The following TSHR variants were observed in gnomAD, a reference collection of about 807,000 sequenced individuals.
TSHR encodes the protein thyroid stimulating hormone receptor, also known as thyrotropin receptor.
Under a neutral mutation model 64.1 loss-of-function variants are expected in TSHR, and 51 were observed. The ratio of observed to expected loss-of-function variants is 0.80; its 90% confidence interval spans 0.64 to 1.01. The LOEUF is 1.01. Among genes scored for constraint, TSHR ranks in the 50% least tolerant of loss-of-function variants. The pLI is 0.00. For missense variants in TSHR, 877 were observed against 942.8 expected (o/e 0.93, Z 0.91); for synonymous variants, 361 against 361.9 (o/e 1.00, Z 0.03).
At chr14:80,963,000 T>C (rs905383269) in intron 1 of TSHR, among the ~76,000 whole-genome samples, 2 of 152,206 alleles carry the variant, frequency 1.3e-5, no homozygotes, top group African/African-American at 4.8e-5. Context: ...GTGAGCACTA[T>C]ACAAGTAAAC....
At chr14:81,061,782 A>C (rs1009015352) in intron 1 of TSHR, among the ~76,000 whole-genome samples, 1 of 152,092 alleles carries the variant, frequency 6.6e-6, no homozygotes, top group African/African-American at 2.4e-5. Context: ...GTACCCCCAA[A>C]CCTAAATTAA....
chr14:80,961,349 A>G (rs1476800259), intron 1 of TSHR, among the ~76,000 whole-genome samples: 1 of 152,242 alleles, frequency 6.6e-6, no homozygotes, highest in Non-Finnish European at 1.5e-5. Flanking sequence ...TTATAATTGT[A>G]TAAGTGTGCT....
intron 8 of TSHR, among the ~76,000 whole-genome samples, chr14:81,125,929 AAGAG>A (rs753859897): frequency 2.0e-5 from 3 of 151,784 alleles, no homozygotes; most frequent in Admixed American, 6.6e-5. Flanking sequence ...AAAGAATTTG[AAGAG>A]AGAGAGAGTA....
intron 3 of TSHR, chr14:81,087,540 T>C (rs1453654634): frequency 3.8e-6 from 1 of 266,012 alleles, no homozygotes; most frequent in South Asian, 4.2e-5. Context: ...CATCATAAAA[T>C]TCCCTCATCC....
intron 1 of TSHR, among the ~76,000 whole-genome samples, chr14:81,059,610 C>A (rs1442048529): frequency 6.6e-6 from 1 of 152,068 alleles, no homozygotes; most frequent in African/African-American, 2.4e-5. Flanking sequence ...AAAAAGGAGA[C>A]ATTATTTTTA....
Position 81,039,812 on chromosome 14 carries a change from T to C in TSHR, c.171-22336T>C, listed in dbSNP as rs961258962. Among the ~76,000 whole-genome samples, 5 of 151,906 alleles carry C rather than the reference T, an allele frequency of 3.3e-5. No individual in the cohort carries two copies. The East Asian group carries it at 5.8e-4, about 18-fold the overall frequency. On this transcript the variant is annotated intron_variant, in intron 1 of 9. Coordinates refer to ENST00000298171, the MANE Select transcript of TSHR (RefSeq NM_000369.5). The stretch of plus-strand genomic sequence containing the variant: ...GAATTATAAAATGTTGATGATGAAA[T>C]TGAAGAGGACACAAGTAAATGGATA...
chr14:81,087,880 T>G, intron 3 of TSHR, 74 bp from the exon 4 acceptor site: 3 of 1,178,488 alleles, frequency 2.5e-6, no homozygotes, highest in Non-Finnish European at 3.8e-6. Context: ...TTAAAACTGA[T>G]TTATGTTGTT....
chr14:81,077,281 A>T (rs1887572557), intron 3 of TSHR, among the ~76,000 whole-genome samples: 1 of 152,256 alleles, frequency 6.6e-6, no homozygotes, highest in Non-Finnish European at 1.5e-5. Flanking sequence ...TGAGGAAATC[A>T]AACTAAAACA....
intron 8 of TSHR, among the ~76,000 whole-genome samples, chr14:81,110,108 A>G (rs1291032175): frequency 6.6e-6 from 1 of 152,256 alleles, no homozygotes; most frequent in East Asian, 1.9e-4. Context: ...AAAATTGTCA[A>G]TGCCATAAAA....
At chr14:81,006,053 T>A (rs1276669978) in intron 1 of TSHR, among the ~76,000 whole-genome samples, 1 of 152,234 alleles carries the variant, frequency 6.6e-6, no homozygotes, top group Non-Finnish European at 1.5e-5. Context: ...CACAATGGTA[T>A]TTTTGACTCA....
intron 2 of TSHR, among the ~76,000 whole-genome samples, chr14:81,067,763 A>C (rs1886738592): frequency 6.7e-6 from 1 of 148,652 alleles, no homozygotes; most frequent in Non-Finnish European, 1.5e-5. Flanking sequence ...TCAAAATAGC[A>C]AAAATAAAAT....
intron 1 of TSHR, among the ~76,000 whole-genome samples, chr14:81,007,009 C>T (rs568710790): frequency 6.6e-6 from 1 of 152,282 alleles, no homozygotes; most frequent in East Asian, 1.9e-4. Context: ...TTTCACCTAA[C>T]AAACTTTTTC....
rs1200648085 is a variant in TSHR at position 81,144,762 on chromosome 14, A to G, written c.*409A>G. The G allele has an allele frequency of 1.1e-5, 3 of 264,796 alleles. 1 individual carries two copies. The South Asian group carries it at 3.2e-4, about 28-fold the overall frequency. The allele number at this position is 264,796 out of a possible 1,614,324, so 16.4% of individuals were successfully genotyped here. A position where few individuals can be genotyped will look rare whatever the true frequency, so the allele number is the denominator to read the frequency against. ...AATGCTATTAATTTGGTTGGTGACC[A>G]CAAGATAAAATCAGTCCCACGTTGG... On this transcript the variant is annotated 3_prime_UTR_variant, in exon 10 of 10. Transcript: ENST00000298171.
In TSHR at chr14:81,143,434, C is replaced by A. The variant is rs762578626; in HGVS notation, c.1376C>A (p.Ala459Glu). The A allele has an allele frequency of 1.9e-6, 3 of 1,614,156 alleles. No homozygotes were observed. Among genetic ancestry groups the A allele is most frequent in the East Asian group, 2.2e-5 (1 of 44,866 alleles). Residue 459 changes from alanine to glutamate, a missense_variant, in exon 10 of 10, where the codon GCG becomes GAG. Transcript: ENST00000298171. ...TTTCTCATGTGCAACCTGGCCTTTGCGGATTTCTGCATGGGGATGTACCTG... is the reference window on the plus strand; with the variant it reads ...TTTCTCATGTGCAACCTGGCCTTTGAGGATTTCTGCATGGGGATGTACCTG... ...PRFLMCNLAFADFCMGMYLLL... is the reference protein window; with the variant it reads ...PRFLMCNLAFEDFCMGMYLLL...
At chr14:81,027,958 G>A (rs1281648342) in intron 1 of TSHR, among the ~76,000 whole-genome samples, 2 of 152,084 alleles carry the variant, frequency 1.3e-5, no homozygotes, top group East Asian at 3.8e-4. Context: ...GACTAAGGCT[G>A]ATCTAAGATT....
chr14:81,004,368 C>T (rs906618163), intron 1 of TSHR, among the ~76,000 whole-genome samples: 2 of 152,158 alleles, frequency 1.3e-5, no homozygotes, highest in Admixed American at 1.3e-4. Flanking sequence ...ATTTCTTAGA[C>T]ATGTACTATA....
intron 1 of TSHR, among the ~76,000 whole-genome samples, chr14:80,960,090 A>G (rs1393512892): frequency 6.6e-6 from 1 of 152,224 alleles, no homozygotes; most frequent in African/African-American, 2.4e-5. Flanking sequence ...AAGTGTTAAT[A>G]AGTATTAAAG....
chr14:81,107,860 G>C (rs550316871), intron 7 of TSHR, among the ~76,000 whole-genome samples: 1 of 151,968 alleles, frequency 6.6e-6, no homozygotes, highest in Non-Finnish European at 1.5e-5. Flanking sequence ...AAATTTAACT[G>C]GCATCTTGTA....
rs1890908852 is a variant in TSHR at position 81,123,871 on chromosome 14, T to A, written c.692+15419T>A. Among the ~76,000 whole-genome samples the A allele has an allele frequency of 3.9e-5, 6 of 152,326 alleles. No homozygotes were observed. The South Asian group carries it at 1.2e-3, about 32-fold the overall frequency. On this transcript the variant is annotated intron_variant, in intron 8 of 9. Coordinates refer to ENST00000298171, the MANE Select transcript of TSHR (RefSeq NM_000369.5). ...TTAATCAAGATATGCAATCTCATTT[T>A]CCATTTTTATACTTTCCATTTTTGA...
Sources: gnomAD v4.1 joint callset for allele counts (sites outside exome capture counted in the v4.1 genomes callset) on GRCh38, gnomAD v4.1.1 for gene constraint, MANE v1.5 for transcripts, NCBI Gene and HGNC (gene_info 2026-07-23, HGNC 2026-07-21) for gene names.